The following SYN3 variants were observed in gnomAD, a reference collection of about 807,000 sequenced individuals.
SYN3 encodes the protein synapsin III, also known as synapsin-3.
Under a neutral mutation model 65.8 loss-of-function variants are expected in SYN3, and 35 were observed. The ratio of observed to expected loss-of-function variants is 0.53; its 90% CI spans 0.41 to 0.70. The LOEUF (loss-of-function observed/expected upper bound fraction) is 0.70, where lower values mean the gene tolerates loss of function less well. SYN3 is among the 30% of genes least tolerant of loss of function. The pLI is 0.00. For missense variants in SYN3, 680 were observed against 749.0 expected, an observed-to-expected ratio of 0.91 and a Z score of 1.08; for synonymous variants, 270 against 292.9, an observed-to-expected ratio of 0.92 and a Z score of 0.80.
chr22:32,975,127 A>G (rs569402668), intron 3 of SYN3, among the ~76,000 whole-genome samples: 1 of 152,164 alleles, frequency 6.6e-6, no homozygotes, highest in East Asian at 1.9e-4. Flanking sequence ...CTGTAATCCC[A>G]TCACTTTGGG....
chr22:32,793,455 T>A (rs777901456), intron 6 of SYN3, among the ~76,000 whole-genome samples: 2 of 152,186 alleles, frequency 1.3e-5, no homozygotes, highest in Non-Finnish European at 2.9e-5. Flanking sequence ...AGCTCTATGA[T>A]CTCATGGCAC....
At position 32,527,904 on chromosome 22, in the gene SYN3, G is replaced by A. The variant is rs376467257; in HGVS notation, c.1318+14C>T. 86 of 1,576,644 alleles carry A rather than the reference G, an allele frequency of 5.5e-5. No individual in the cohort carries two copies. The African/African-American group carries it at 8.5e-4, about 16-fold the overall frequency. On this transcript the variant is annotated intron_variant, in intron 12 of 13. Transcript: ENST00000358763. ...ACTGCATGCTTTCTTGCAGTGGCTC[G>A]TCCTGGGTCATACCTTGCGGAGGTG...
chr22:32,919,197 C>A (rs2050268989), intron 4 of SYN3, among the ~76,000 whole-genome samples: 1 of 152,208 alleles, frequency 6.6e-6, no homozygotes, highest in Non-Finnish European at 1.5e-5. Flanking sequence ...GCTCCACCCT[C>A]CATACACACG....
chr22:32,998,965 T>C (rs1448996523), intron 2 of SYN3, among the ~76,000 whole-genome samples: 1 of 152,054 alleles, frequency 6.6e-6, no homozygotes. Context: ...TGAGGTGAGC[T>C]TCAGACTCCA....
At chr22:32,794,379 G>T (rs1423153446) in intron 6 of SYN3, among the ~76,000 whole-genome samples, 1 of 152,142 alleles carries the variant, frequency 6.6e-6, no homozygotes. Context: ...TGGGATTTTG[G>T]TTGGTTTGCT....
chr22:32,716,857 C>A (rs2061046286), intron 6 of SYN3, among the ~76,000 whole-genome samples: 1 of 151,980 alleles, frequency 6.6e-6, no homozygotes, highest in Non-Finnish European at 1.5e-5. Context: ...ACATACATAA[C>A]AAAATTTACC....
chr22:32,767,218 A>T (rs1445066747), intron 6 of SYN3, among the ~76,000 whole-genome samples: 1 of 152,116 alleles, frequency 6.6e-6, no homozygotes, highest in Non-Finnish European at 1.5e-5. Flanking sequence ...TGCTTTCGTA[A>T]ATAAAGTCAA....
chr22:32,555,961 A>G (rs1423846792), intron 7 of SYN3, among the ~76,000 whole-genome samples: 2 of 152,162 alleles, frequency 1.3e-5, no homozygotes, highest in African/African-American at 4.8e-5. Flanking sequence ...ACGAATATTA[A>G]TACCAGGTCA....
rs57742701 is a variant in SYN3, at chr22:32,770,549, T to C, written c.711+94366A>G. On this transcript the variant is annotated intron_variant, in intron 6 of 13. Coordinates refer to ENST00000358763, the MANE Select transcript of SYN3 (RefSeq NM_003490.4). ...ACCTCGGGGCCTTTGCACTTGATGT[T>C]CCCTTGTTCTAAAACCTCTTCTCCC... 7.8e-3 allele frequency among the ~76,000 whole-genome samples: 1,183 copies of C among 152,268 alleles called. 12 individuals are homozygous for C. The highest frequency in any genetic ancestry group is 0.026 in the African/African-American group (1,093 of 41,542).
chr22:32,787,486 G>A (rs1031182497), intron 6 of SYN3, among the ~76,000 whole-genome samples: 2 of 152,162 alleles, frequency 1.3e-5, no homozygotes, highest in Non-Finnish European at 2.9e-5. Flanking sequence ...TAACCTCCCT[G>A]AGCTTAAGTC....
At chr22:32,575,816 C>T (rs1368578292) in intron 7 of SYN3, among the ~76,000 whole-genome samples, 1 of 151,924 alleles carries the variant, frequency 6.6e-6, no homozygotes, top group African/African-American at 2.4e-5. Flanking sequence ...TGGCATGGGA[C>T]CAGGCAAGAG....
At chr22:32,642,587 G>A (rs1207385317) in intron 6 of SYN3, among the ~76,000 whole-genome samples, 2 of 151,768 alleles carry the variant, frequency 1.3e-5, no homozygotes, top group African/African-American at 2.4e-5. Flanking sequence ...GACTACAGGC[G>A]CCCCCACCAC....
At chr22:32,873,216 G>T (rs2048897097) in intron 4 of SYN3, among the ~76,000 whole-genome samples, 1 of 152,210 alleles carries the variant, frequency 6.6e-6, no homozygotes, top group South Asian at 2.1e-4. Flanking sequence ...CTCCCAAAGT[G>T]CCGGGATTAC....
At chr22:32,688,558 G>A (rs1292837058) in intron 6 of SYN3, among the ~76,000 whole-genome samples, 1 of 152,050 alleles carries the variant, frequency 6.6e-6, no homozygotes, top group Non-Finnish European at 1.5e-5. Flanking sequence ...TTCAATTACA[G>A]GATTTCTGAT....
intron 6 of SYN3, among the ~76,000 whole-genome samples, chr22:32,840,388 C>T (rs766766743): frequency 1.4e-4 from 21 of 152,168 alleles, no homozygotes; most frequent in African/African-American, 5.1e-4. Flanking sequence ...GCCTTTGAAA[C>T]GGACAAGAGA....
intron 4 of SYN3, among the ~76,000 whole-genome samples, chr22:32,891,314 G>A (rs2049439816): frequency 6.6e-6 from 1 of 152,122 alleles, no homozygotes; most frequent in Non-Finnish European, 1.5e-5. Context: ...CACGTCTTAA[G>A]CACCTTTCTG....
In SYN3 at chr22:32,807,164, T is replaced by C. The variant is rs114486227; in HGVS notation, c.711+57751A>G. Among the ~76,000 whole-genome samples, 792 of 150,370 alleles carry C rather than the reference T, an allele frequency of 5.3e-3. 9 individuals carry two copies. Among genetic ancestry groups the C allele is most frequent in the African/African-American group, 0.019 (765 of 40,780 alleles). ...CTGGGTAGCTCCCCCTGGGGACCCC[T>C]AACTCATCCCCACCTTTAAGGGAAG... On this transcript the variant is annotated intron_variant, in intron 6 of 13. Coordinates refer to ENST00000358763, the MANE Select transcript of SYN3 (RefSeq NM_003490.4).
intron 7 of SYN3, among the ~76,000 whole-genome samples, chr22:32,543,421 C>T (rs116586670): frequency 0.033 from 4,990 of 152,240 alleles, 271 homozygotes; most frequent in African/African-American, 0.11. Flanking sequence ...TCTACCACAA[C>T]GGACCTAAAC....
intron 6 of SYN3, among the ~76,000 whole-genome samples, chr22:32,827,175 T>C (rs564348103): frequency 6.6e-6 from 1 of 152,336 alleles, no homozygotes; most frequent in African/African-American, 2.4e-5. Context: ...GAGATGAGCT[T>C]TGGCCAGGAA....
Sources: allele counts gnomAD v4.1 joint callset (sites outside exome capture counted in the v4.1 genomes callset), GRCh38; gene constraint gnomAD v4.1.1; transcripts MANE v1.5; gene names NCBI Gene and HGNC (gene_info 2026-07-23, HGNC 2026-07-21).